The following MON2 variants were observed in gnomAD, a reference collection of about 807,000 sequenced individuals.
MON2 encodes protein MON2 homolog.
MON2 carries 84 observed loss-of-function variants against 208.6 expected under a neutral mutation model. That is an observed-to-expected ratio of 0.40 (90% CI 0.34 to 0.48). MON2 has a LOEUF of 0.48. Among genes scored for constraint, MON2 ranks in the 20% least tolerant of loss-of-function variants. The pLI is 0.59. For synonymous variants in MON2, 660 were observed against 694.0 expected, an observed-to-expected ratio of 0.95 and a Z score of 0.77; for missense variants, 1,611 against 2,015.4, an observed-to-expected ratio of 0.80 and a Z score of 3.84.
intron 21 of MON2, among the ~76,000 whole-genome samples, chr12:62,545,855 GTTC>G (rs2073460752): frequency 6.6e-6 from 1 of 152,132 alleles, no homozygotes; most frequent in African/African-American, 2.4e-5. Context: ...GATTTCATAT[GTTC>G]TTCTGCAACA....
At chr12:62,512,789 GACCC>G (rs2071479376) in intron 8 of MON2, among the ~76,000 whole-genome samples, 2 of 152,156 alleles carry the variant, frequency 1.3e-5, no homozygotes, top group Admixed American at 1.3e-4. Flanking sequence ...TCTCCATGAA[GACCC>G]TGCTCCTACA....
At position 62,597,367 on chromosome 12, in the gene MON2, T is replaced by G. The variant is rs1014904207; in HGVS notation, c.*4618T>G. ...CTCTTTCTCTAATTGTGCCTATTCC[T>G]TGTTCATAAGAAGTGGAGCTGTTAG... On this transcript the variant is annotated 3_prime_UTR_variant, in exon 35 of 35. Coordinates refer to ENST00000393630, the MANE Select transcript of MON2 (RefSeq NM_015026.3). The G allele has an allele frequency of 5.3e-5, 8 of 152,200 alleles. No homozygotes were observed. The highest frequency in any genetic ancestry group is 1.0e-4 in the Non-Finnish European group (7 of 68,028). The allele number at this position is 152,200 out of a possible 1,614,324, so 9.4% of individuals were successfully genotyped here.
chr12:62,592,692 T>C lies in MON2; in HGVS notation c.5097T>C (p.Val1699=), dbSNP rs1242276067. The change falls in exon 35 of 35, where the codon GTT becomes GTC. Residue 1699 remains valine (V), a synonymous_variant. Coordinates refer to ENST00000393630, the MANE Select transcript of MON2 (RefSeq NM_015026.3). ...EVCSALKEAL[V]PFKDFMQPPA... The stretch of plus-strand genomic sequence containing the variant: ...GTTCTGCACTTAAAGAGGCACTAGT[T>C]CCTTTTAAGGATTTCATGCAGCCAC... The C allele has an allele frequency of 2.5e-6, 4 of 1,609,652 alleles. No homozygotes were observed. In the African/African-American group the frequency reaches 5.3e-5, roughly 21 times the overall value.
chr12:62,494,146 TA>T (rs1244975006), intron 3 of MON2, 104 bp downstream of exon 3: 1 of 1,070,508 alleles, frequency 9.3e-7, no homozygotes, highest in African/African-American at 1.6e-5. Flanking sequence ...CTTTTACAAA[TA>T]GCAATGTGCT....
chr12:62,580,517 G>A, intron 32 of MON2, 97 bp downstream of exon 32: 1 of 1,043,356 alleles, frequency 9.6e-7, no homozygotes, highest in South Asian at 1.6e-5. Flanking sequence ...AATGTAAACT[G>A]GAGAATGGTA....
chr12:62,502,984 G>A (rs539576744), intron 7 of MON2, among the ~76,000 whole-genome samples: 1 of 152,284 alleles, frequency 6.6e-6, no homozygotes, highest in South Asian at 2.1e-4. Flanking sequence ...CTTTTGGCGA[G>A]CAGTATATAC....
chr12:62,497,605 C>A (rs981141712), intron 4 of MON2, among the ~76,000 whole-genome samples: 3 of 151,950 alleles, frequency 2.0e-5, no homozygotes, highest in Admixed American at 6.6e-5. Flanking sequence ...GGGAAACTGG[C>A]GGTTTCTTTC....
Position 62,585,461 on chromosome 12 carries a change from A to G in MON2, c.4867A>G (p.Ile1623Val), listed in dbSNP as rs1430411567. 1 of 1,612,658 alleles carries G rather than the reference A, an allele frequency of 6.2e-7. No homozygotes were observed. Among genetic ancestry groups the G allele is most frequent in the East Asian group, 2.2e-5 (1 of 44,826 alleles). ...KRSQDVLHRY[I>V]EDERLSGKCP... ...GTCCCAAGATGTACTACATCGCTAT[A>G]TAGAGGATGAAAGATTAAGTGGTAA... Residue 1623 changes from isoleucine (I) to valine (V), a missense_variant, in exon 33 of 35, where the codon ATA (isoleucine) becomes GTA (valine). Ile to Val is a conservative substitution (Grantham distance 29). Coordinates refer to ENST00000393630, the MANE Select transcript of MON2 (RefSeq NM_015026.3).
chr12:62,507,867 C>T (rs2071186118), intron 7 of MON2, among the ~76,000 whole-genome samples: 3 of 152,172 alleles, frequency 2.0e-5, no homozygotes, highest in Admixed American at 1.3e-4. Context: ...CTCCTGGGTT[C>T]AAGTGTTCCT....
chr12:62,588,753 C>T (rs2075299858), intron 34 of MON2: 4 of 598,644 alleles, frequency 6.7e-6, no homozygotes, highest in Non-Finnish European at 1.1e-5. Context: ...ATTCTAGTCA[C>T]ACTTTATTTC....
At chr12:62,525,335 T>C (rs1442779336) in intron 10 of MON2, 115 bp downstream of exon 10, 2 of 1,021,104 alleles carry the variant, frequency 2.0e-6, no homozygotes, top group Non-Finnish European at 2.9e-6. Flanking sequence ...TACCTAAACA[T>C]GTTGGTAGTA....
At chr12:62,493,127 T>G (rs1315749818) in intron 2 of MON2, among the ~76,000 whole-genome samples, 1 of 152,228 alleles carries the variant, frequency 6.6e-6, no homozygotes, top group Non-Finnish European at 1.5e-5. Context: ...TCAAATTCTG[T>G]AAGGATGACA....
At position 62,495,043 on chromosome 12, in the gene MON2, C is replaced by G; in HGVS notation, c.331C>G (p.Leu111Val). ...ETAAGNIINM[L>V]WQLMENSLEE... ...TGCAGCTGGAAATATAATTAACATG[C>G]TTTGGCAGCTAATGGAGAATAGTCT... Residue 111 changes from leucine to valine, a missense_variant, in exon 4 of 35, where the codon CTT becomes GTT. Transcript: ENST00000393630. 1.2e-6 allele frequency: 2 copies of G among 1,608,830 alleles called. No individual in the cohort carries two copies. The highest frequency in any genetic ancestry group is 1.7e-6 in the Non-Finnish European group (2 of 1,176,520).
In MON2 at chr12:62,490,574, A is replaced by G. The variant is rs555259895; in HGVS notation, c.176-3341A>G. ...TTTTTGGACTATTACCACTTTTTAAAGAAGAAAAGGAAAAGCAATAACTTT... is the reference window on the plus strand; with the variant it reads ...TTTTTGGACTATTACCACTTTTTAAGGAAGAAAAGGAAAAGCAATAACTTT... On this transcript the variant is annotated intron_variant, in intron 2 of 34. Transcript: ENST00000393630. Among the ~76,000 whole-genome samples the G allele has an allele frequency of 4.6e-5, 7 of 152,286 alleles. No individual in the cohort carries two copies. In the South Asian group the frequency reaches 1.5e-3, roughly 32 times the overall value.
intron 2 of MON2, among the ~76,000 whole-genome samples, chr12:62,493,578 G>T (rs2070301167): frequency 6.6e-6 from 1 of 152,114 alleles, no homozygotes; most frequent in African/African-American, 2.4e-5. Flanking sequence ...CCCTCCTGTA[G>T]TATATGAAGA....
chr12:62,473,887 A>G (rs2068926199), intron 1 of MON2, among the ~76,000 whole-genome samples: 1 of 151,742 alleles, frequency 6.6e-6, no homozygotes, highest in African/African-American at 2.4e-5. Flanking sequence ...TTCTTTACAT[A>G]CAAGTGTCTC....
rs1447231058 is a variant in MON2, at chr12:62,599,368, C to T, written c.*6619C>T. 1.3e-5 allele frequency: 2 copies of T among 152,000 alleles called. No homozygotes were observed. Among genetic ancestry groups the T allele is most frequent in the East Asian group, 1.9e-4 (1 of 5,186 alleles). 9.4% of individuals were successfully genotyped at this position (152,000 alleles called of 1,614,324 possible). ...TGAAACTGCCTGTCCATATCAATGC[C>T]AGACTATCTCTCTACCTCTCAAAGA... On this transcript the variant is annotated 3_prime_UTR_variant, in exon 35 of 35. Transcript: ENST00000393630.
At chr12:62,568,553 G>T (rs1213944736) in intron 29 of MON2, among the ~76,000 whole-genome samples, 1 of 152,068 alleles carries the variant, frequency 6.6e-6, no homozygotes, top group Non-Finnish European at 1.5e-5. Context: ...TGCCCAGGCT[G>T]GTCTCAAACT....
At chr12:62,498,739 C>T (rs1302460612) in intron 4 of MON2, among the ~76,000 whole-genome samples, 180 bp from the exon 5 acceptor site, 1 of 152,184 alleles carries the variant, frequency 6.6e-6, no homozygotes, top group Non-Finnish European at 1.5e-5. Context: ...AGCTAATCTT[C>T]TGTGGCTATA....
Sources: gnomAD v4.1 joint callset for allele counts (sites outside exome capture counted in the v4.1 genomes callset) on GRCh38, gnomAD v4.1.1 for gene constraint, MANE v1.5 for transcripts, NCBI Gene and HGNC (gene_info 2026-07-23, HGNC 2026-07-21) for gene names.